Variants in EDIL3 observed in about 807,000 individuals in gnomAD.
The protein encoded by EDIL3 is EGF-like repeat and discoidin I-like domain-containing protein 3.
EDIL3 carries 37 observed loss-of-function variants against 67.4 expected under a neutral mutation model. The ratio of observed to expected loss-of-function variants is 0.55; its 90% CI spans 0.42 to 0.72. The LOEUF is 0.72. EDIL3 is among the 30% of genes least tolerant of loss of function. EDIL3 has a pLI of 0.00. For missense variants in EDIL3, 527 were observed against 586.3 expected (o/e 0.90, Z 1.04); for synonymous variants, 195 against 196.3 (o/e 0.99, Z 0.05).
chr5:84,083,591 C>T (rs1042735108), intron 6 of EDIL3, among the ~76,000 whole-genome samples: 5 of 151,888 alleles, frequency 3.3e-5, no homozygotes, highest in Non-Finnish European at 7.4e-5. Context: ...CTAACATAAC[C>T]TTGGGCATTT....
At chr5:84,246,163 G>A (rs541330851) in intron 2 of EDIL3, among the ~76,000 whole-genome samples, 1 of 152,276 alleles carries the variant, frequency 6.6e-6, no homozygotes, top group Non-Finnish European at 1.5e-5. Context: ...ACAGCAGATT[G>A]TAAAACTAGC....
chr5:84,294,384 CAAAAAAAAAAAAAAAA>C (rs1173407354), intron 1 of EDIL3, among the ~76,000 whole-genome samples: 1 of 31,808 alleles, frequency 3.1e-5, no homozygotes, highest in Non-Finnish European at 7.2e-5. Flanking sequence ...GACTCTGTCT[CAAAAAAAAAAAAAAAA>C]AAAAAAAAAA....
At chr5:84,190,836 G>A (rs1257028808) in intron 3 of EDIL3, among the ~76,000 whole-genome samples, 1 of 151,622 alleles carries the variant, frequency 6.6e-6, no homozygotes, top group Non-Finnish European at 1.5e-5. Flanking sequence ...CTCCCTCACT[G>A]AATTATAAAT....
chr5:84,054,130 C>G (rs968243363), intron 9 of EDIL3, among the ~76,000 whole-genome samples: 2 of 152,162 alleles, frequency 1.3e-5, no homozygotes, highest in Non-Finnish European at 2.9e-5. Flanking sequence ...GGGCTTCATC[C>G]CTGGGATGCA....
intron 9 of EDIL3, among the ~76,000 whole-genome samples, chr5:84,056,275 C>T (rs189268909): frequency 6.6e-5 from 10 of 151,604 alleles, no homozygotes; most frequent in Non-Finnish European, 1.2e-4. Context: ...GAACAATGAG[C>T]ACACTTGGAC....
chr5:84,001,781 C>A (rs1050741937), intron 9 of EDIL3, among the ~76,000 whole-genome samples: 5 of 151,906 alleles, frequency 3.3e-5, no homozygotes, highest in African/African-American at 1.2e-4. Flanking sequence ...AAAAAATCTC[C>A]CATCAAAGGG....
At chr5:84,266,466 C>A (rs1580044209) in intron 1 of EDIL3, among the ~76,000 whole-genome samples, 1 of 152,164 alleles carries the variant, frequency 6.6e-6, no homozygotes, top group Non-Finnish European at 1.5e-5. Context: ...GAATTCTCTA[C>A]ACAGTTTTGT....
chr5:84,132,895 A>C (rs1400142592), intron 5 of EDIL3, among the ~76,000 whole-genome samples: 1 of 152,012 alleles, frequency 6.6e-6, no homozygotes, highest in Non-Finnish European at 1.5e-5. Flanking sequence ...TTTAATTTTT[A>C]GTAAAACCCT....
At chr5:84,115,452 G>T (rs1281254827) in intron 5 of EDIL3, among the ~76,000 whole-genome samples, 1 of 152,122 alleles carries the variant, frequency 6.6e-6, no homozygotes, top group East Asian at 1.9e-4. Flanking sequence ...TTCTCAAATT[G>T]ATTTGTGAGC....
intron 1 of EDIL3, among the ~76,000 whole-genome samples, chr5:84,310,635 T>C (rs184741564): frequency 9.3e-4 from 142 of 152,298 alleles, no homozygotes; most frequent in African/African-American, 3.1e-3. Flanking sequence ...TCTTTATCCT[T>C]ATACAAATAT....
chr5:84,012,403 A>G (rs1745533023), intron 9 of EDIL3, among the ~76,000 whole-genome samples: 1 of 152,214 alleles, frequency 6.6e-6, no homozygotes, highest in Non-Finnish European at 1.5e-5. Context: ...TATGCATGTC[A>G]CTGCAACTGA....
At chr5:84,286,767 C>T (rs1052060341) in intron 1 of EDIL3, among the ~76,000 whole-genome samples, 1 of 152,080 alleles carries the variant, frequency 6.6e-6, no homozygotes, top group African/African-American at 2.4e-5. Flanking sequence ...CTTTTGCCCT[C>T]ATAAAATAAG....
chr5:84,373,334 C>A (rs558964366), intron 1 of EDIL3, among the ~76,000 whole-genome samples: 105 of 152,232 alleles, frequency 6.9e-4, no homozygotes, highest in Non-Finnish European at 1.4e-3. Context: ...GTCTTCTACC[C>A]TCCCTGAATC....
intron 4 of EDIL3, among the ~76,000 whole-genome samples, chr5:84,159,246 C>A (rs1045991807): frequency 6.6e-6 from 1 of 152,130 alleles, no homozygotes; most frequent in South Asian, 2.1e-4. Flanking sequence ...GTTAATCCAT[C>A]TTAGGTCACT....
At chr5:84,199,664 T>C (rs1021604987) in intron 3 of EDIL3, among the ~76,000 whole-genome samples, 1 of 152,086 alleles carries the variant, frequency 6.6e-6, no homozygotes, top group Non-Finnish European at 1.5e-5. Context: ...GGATCAAGTT[T>C]ATTTTTTATT....
intron 1 of EDIL3, among the ~76,000 whole-genome samples, chr5:84,333,802 T>C (rs1326449792): frequency 6.6e-6 from 1 of 152,106 alleles, no homozygotes; most frequent in Non-Finnish European, 1.5e-5. Context: ...AAATAAGTAA[T>C]TTATTATATT....
chr5:84,120,457 T>A (rs759584190), intron 5 of EDIL3, among the ~76,000 whole-genome samples: 1 of 152,050 alleles, frequency 6.6e-6, no homozygotes, highest in African/African-American at 2.4e-5. Flanking sequence ...TTTATCATTT[T>A]AATAAAGATT....
At chr5:84,279,701 C>T (rs1039108465) in intron 1 of EDIL3, among the ~76,000 whole-genome samples, 4 of 152,260 alleles carry the variant, frequency 2.6e-5, no homozygotes, top group Non-Finnish European at 4.4e-5. Flanking sequence ...TCCTTACTAC[C>T]GTGACCCACT....
intron 3 of EDIL3, among the ~76,000 whole-genome samples, chr5:84,209,807 T>C (rs1744078678): frequency 6.6e-6 from 1 of 152,174 alleles, no homozygotes; most frequent in South Asian, 2.1e-4. Context: ...AAAGAAATTC[T>C]GTAAAAATGT....
Sources: allele counts gnomAD v4.1 joint callset (sites outside exome capture counted in the v4.1 genomes callset), GRCh38; gene constraint gnomAD v4.1.1; transcripts MANE v1.5; gene names NCBI Gene and HGNC (gene_info 2026-07-23, HGNC 2026-07-21).